The following CUL4B variants were observed in gnomAD, a reference collection of about 807,000 sequenced individuals.
CUL4B encodes the protein cullin-4B.
CUL4B carries 1 observed loss-of-function variant against 69.2 expected under a neutral mutation model. The observed-to-expected ratio is 0.01, with a 90% CI of 0.01 to 0.07. CUL4B has a LOEUF of 0.07. CUL4B is among the 10% of genes least tolerant of loss of function. The pLI is 1.00. For synonymous variants in CUL4B, 237 were observed against 223.2 expected, an observed-to-expected ratio of 1.06 and a Z score of -0.55; for missense variants, 328 against 638.8, an observed-to-expected ratio of 0.51 and a Z score of 5.24.
rs1922985073 is a variant in CUL4B at position 120,526,668 on chromosome X, G to A, written c.*93C>T. 2.3e-5 allele frequency: 13 copies of A among 562,770 alleles called. No homozygotes were observed. The highest frequency in any genetic ancestry group is 1.8e-4 in the South Asian group (8 of 43,481). 46.4% of individuals were successfully genotyped at this position (562,770 alleles called of 1,213,427 possible). A position where few individuals can be genotyped will look rare whatever the true frequency, so the allele number is the denominator to read the frequency against. On this transcript the variant is annotated 3_prime_UTR_variant, in exon 20 of 20. Coordinates refer to ENST00000371322, the MANE Select transcript of CUL4B (RefSeq NM_001079872.2). ...AATTACACTGCTTCATTTGGTCATC[G>A]GTAGTAAAAAAGGAGTCAAATAATA...
intron 17 of CUL4B, 101 bp downstream of exon 17, chrX:120,534,380 C>G: frequency 1.6e-6 from 1 of 608,875 alleles, no homozygotes; most frequent in Admixed American, 2.5e-5. Context: ...AAAAAAAACT[C>G]AAAACAGTTC....
chrX:120,561,277 C>G, upstream of CUL4B: 1 of 532,192 alleles, frequency 1.9e-6, no homozygotes, highest in Non-Finnish European at 3.4e-6. Flanking sequence ...TTCGCGATCC[C>G]CTTTCCTGGC....
chrX:120,560,866 C>T lies in CUL4B; in HGVS notation c.-228G>A. On this transcript the variant is annotated 5_prime_UTR_variant, in exon 1 of 20. Coordinates refer to ENST00000371322, the MANE Select transcript of CUL4B (RefSeq NM_001079872.2). Reference sequence around the variant, plus strand: ...GAGTGAGCAGAACGAGGGGGGAGAGCGAATGAGGAGGCAGACAGGTAAACG... The same window carrying T: ...GAGTGAGCAGAACGAGGGGGGAGAGTGAATGAGGAGGCAGACAGGTAAACG... 1.3e-6 allele frequency: 1 copy of T among 753,249 alleles called. No homozygotes were observed. Among genetic ancestry groups the T allele is most frequent in the Non-Finnish European group, 1.6e-6 (1 of 639,008 alleles). The allele number at this position is 753,249 out of a possible 1,213,427, so 62.1% of individuals were successfully genotyped here.
At chrX:120,549,743 G>A (rs1190335082) in intron 2 of CUL4B, among the ~76,000 whole-genome samples, 1 of 111,421 alleles carries the variant, frequency 9.0e-6, no homozygotes, top group Non-Finnish European at 1.9e-5. Context: ...AAATGCTTAA[G>A]GGAATTTACA....
intron 10 of CUL4B, 102 bp downstream of exon 10, chrX:120,541,500 A>C: frequency 3.7e-6 from 1 of 270,463 alleles, no homozygotes; most frequent in Non-Finnish European, 6.4e-6. Flanking sequence ...ACTCTGTCTC[A>C]AAAAAAAAAA....
intron 9 of CUL4B, among the ~76,000 whole-genome samples, 195 bp from the exon 10 acceptor site, chrX:120,541,915 T>C (rs1924012687): frequency 9.1e-6 from 1 of 110,262 alleles, no homozygotes; most frequent in African/African-American, 3.3e-5. Flanking sequence ...AAACTAAATA[T>C]AGAGACTTTA....
At chrX:120,561,073 A>T (rs1484331599), upstream of CUL4B, 2 of 993,669 alleles carry the variant, frequency 2.0e-6, no homozygotes, top group African/African-American at 4.0e-5. Flanking sequence ...TCAATAGCAC[A>T]AGAGGCTAAA....
Position 120,525,938 on chromosome X carries a change from T to A in CUL4B, c.*823A>T, listed in dbSNP as rs1482434772. 3.6e-5 allele frequency: 4 copies of A among 111,887 alleles called. No individual in the cohort carries two copies. Among genetic ancestry groups the A allele is most frequent in the Non-Finnish European group, 7.5e-5 (4 of 53,168 alleles). The allele number at this position is 111,887 out of a possible 1,213,427, so 9.2% of individuals were successfully genotyped here. On this transcript the variant is annotated 3_prime_UTR_variant, in exon 20 of 20. Transcript: ENST00000371322. ...CGTTCATTTTGGTCTCTTTTGCAATTTTCTTATTGTATTCATTTTTAATAT... is the reference window on the plus strand; with the variant it reads ...CGTTCATTTTGGTCTCTTTTGCAATATTCTTATTGTATTCATTTTTAATAT...
chrX:120,560,671 C>G lies in CUL4B; in HGVS notation c.-33G>C. The G allele has an allele frequency of 8.4e-7, 1 of 1,192,604 alleles. No homozygotes were observed. On this transcript the variant is annotated 5_prime_UTR_variant, in exon 1 of 20. Transcript: ENST00000371322. The stretch of plus-strand genomic sequence containing the variant: ...GCGGGGTCAACAGGCAGAGGAGCAT[C>G]AAAAACCTACGTTTATATGCCTGCG...
chrX:120,530,313 TA>T (rs1247742609), intron 18 of CUL4B, 59 bp from the exon 19 acceptor site: 1 of 1,080,191 alleles, frequency 9.3e-7, no homozygotes, highest in East Asian at 3.0e-5. Flanking sequence ...ACTATTTACA[TA>T]AATTGTGCAT....
chrX:120,561,002 G>A (rs776618088), upstream of CUL4B: 6 of 960,934 alleles, frequency 6.2e-6, no homozygotes, highest in Admixed American at 5.1e-5. Context: ...CCTCTCCCTG[G>A]GAGGGGAGAG....
intron 13 of CUL4B, 29 bp downstream of exon 13, chrX:120,538,631 A>G: frequency 1.0e-6 from 1 of 976,242 alleles, no homozygotes; most frequent in Non-Finnish European, 1.5e-6. Flanking sequence ...GGAATCAAAG[A>G]AAAGGAACAG....
At chrX:120,544,225 G>A in intron 6 of CUL4B, 22 bp from the exon 7 acceptor site, 1 of 1,038,161 alleles carries the variant, frequency 9.6e-7, no homozygotes, top group Non-Finnish European at 1.4e-6. Context: ...ACAAAATGAA[G>A]GAGATCATTT....
intron 14 of CUL4B, 45 bp from the exon 15 acceptor site, chrX:120,537,079 C>T (rs752455768): frequency 1.1e-6 from 1 of 871,193 alleles, no homozygotes; most frequent in Non-Finnish European, 1.7e-6. Flanking sequence ...AAACTGCATA[C>T]ATTTCATATC....
intron 17 of CUL4B, among the ~76,000 whole-genome samples, chrX:120,533,327 G>A (rs1425150296): frequency 9.0e-6 from 1 of 111,692 alleles, no homozygotes; most frequent in Non-Finnish European, 1.9e-5. Context: ...TCAGTAAGTG[G>A]TCCAAATAAT....
At chrX:120,556,894 T>C (rs1443283863) in intron 2 of CUL4B, among the ~76,000 whole-genome samples, 1 of 87,296 alleles carries the variant, frequency 1.1e-5, no homozygotes, top group Non-Finnish European at 2.2e-5. Context: ...CAAGCTATTG[T>C]ACTCTGAAGT....
chrX:120,536,021 G>T, intron 15 of CUL4B, 78 bp from the exon 16 acceptor site: 2 of 742,530 alleles, frequency 2.7e-6, no homozygotes, highest in Non-Finnish European at 4.2e-6. Flanking sequence ...TACCTCATGT[G>T]ATATAGTTTC....
intron 18 of CUL4B, chrX:120,532,195 C>G: frequency 2.9e-6 from 1 of 339,888 alleles, no homozygotes; most frequent in Non-Finnish European, 5.1e-6. Flanking sequence ...AGATTGAATA[C>G]TAAATAAACA....
rs1922901699 is a variant in CUL4B at position 120,525,195 on chromosome X, T to C, written c.*1566A>G. 8.9e-6 allele frequency: 1 copy of C among 111,869 alleles called. No individual in the cohort carries two copies. The highest frequency in any genetic ancestry group is 1.9e-5 in the Non-Finnish European group (1 of 53,093). The allele number at this position is 111,869 out of a possible 1,213,427, so 9.2% of individuals were successfully genotyped here. A position where few individuals can be genotyped will look rare whatever the true frequency, so the allele number is the denominator to read the frequency against. ...GAAAGAAATAGACGACTTTTTAAAA[T>C]ACCTGGCCACAGGTCTTTGAGAACT... On this transcript the variant is annotated 3_prime_UTR_variant, in exon 20 of 20. Transcript: ENST00000371322.
Sources: gnomAD v4.1 joint callset for allele counts (sites outside exome capture counted in the v4.1 genomes callset) on GRCh38, gnomAD v4.1.1 for gene constraint, MANE v1.5 for transcripts, NCBI Gene and HGNC (gene_info 2026-07-23, HGNC 2026-07-21) for gene names.